The following IQSEC2 variants were observed in gnomAD, a reference collection of about 807,000 sequenced individuals.
IQSEC2 encodes IQ motif and Sec7 domain ArfGEF 2, also known as IQ motif and SEC7 domain-containing protein 2.
A neutral mutation model predicts 74.6 loss-of-function variants in IQSEC2; 6 were observed. The observed-to-expected ratio is 0.08, with a 90% CI of 0.04 to 0.16. The LOEUF is 0.16. IQSEC2 is among the 10% of genes least tolerant of loss of function. The pLI is 1.00. For synonymous variants in IQSEC2, 494 were observed against 544.5 expected (o/e 0.91, Z 1.29); for missense variants, 734 against 1,306.2 (o/e 0.56, Z 6.75).
At chrX:53,249,526 C>G (rs782737723) in intron 5 of IQSEC2, among the ~76,000 whole-genome samples, 1 of 112,010 alleles carries the variant, frequency 8.9e-6, no homozygotes, top group African/African-American at 3.2e-5. Context: ...TTTGCTTCTC[C>G]AAGCCTTGGT....
At chrX:53,281,648 T>G in intron 2 of IQSEC2, 1 of 830,350 alleles carries the variant, frequency 1.2e-6, no homozygotes, top group Non-Finnish European at 1.6e-6. Context: ...CCAGCTGGGC[T>G]GCGGGCCAGA....
chrX:53,316,097 C>G (rs976685880), intron 1 of IQSEC2, among the ~76,000 whole-genome samples: 2 of 112,093 alleles, frequency 1.8e-5, no homozygotes, highest in Non-Finnish European at 3.8e-5. Context: ...AGGCCTGCAA[C>G]CCTGTCTCCC....
intron 2 of IQSEC2, among the ~76,000 whole-genome samples, chrX:53,278,385 G>GTATT (rs1556870025): frequency 9.0e-6 from 1 of 111,148 alleles, no homozygotes; most frequent in African/African-American, 3.3e-5. Flanking sequence ...ATTTCTTAAT[G>GTATT]TATTTATTTA....
intron 10 of IQSEC2, chrX:53,239,503 C>T (rs1294792745): frequency 1.0e-5 from 4 of 392,811 alleles, no homozygotes; most frequent in Admixed American, 4.2e-5. Flanking sequence ...GTAATGACCA[C>T]GCACCACAGA....
downstream of IQSEC2, chrX:53,231,468 T>C: frequency 9.0e-6 from 1 of 110,631 alleles, no homozygotes; most frequent in Non-Finnish European, 1.9e-5. Context: ...CATGTCAAGA[T>C]AAGGGGTTTC....
At chrX:53,279,089 G>A (rs868948512) in intron 2 of IQSEC2, 1 of 112,308 alleles carries the variant, frequency 8.9e-6, no homozygotes, top group African/African-American at 3.3e-5. Flanking sequence ...GCTGAAGCAG[G>A]AGAATTGCTT....
chrX:53,248,401 C>G (rs781972300), intron 6 of IQSEC2, among the ~76,000 whole-genome samples, 165 bp from the exon 7 acceptor site: 1 of 111,824 alleles, frequency 8.9e-6, no homozygotes, highest in East Asian at 2.8e-4. Context: ...GAAATCAAAT[C>G]CATCTCAGAA....
chrX:53,290,739 G>A (rs1036832981), intron 2 of IQSEC2, among the ~76,000 whole-genome samples: 1 of 111,843 alleles, frequency 8.9e-6, no homozygotes, highest in East Asian at 2.8e-4. Context: ...CCTGTCTGGG[G>A]TGCTAGAACA....
In IQSEC2 at chrX:53,241,051, C is replaced by T. The variant is rs183636338; in HGVS notation, c.3015+733G>A. ...TCGGCCTCCCAAAGTGCTGGGATTA[C>T]AGGCATGAGCCACCGTGCCTGGCCC... On this transcript the variant is annotated intron_variant, in intron 10 of 14. Coordinates refer to ENST00000642864, the MANE Select transcript of IQSEC2 (RefSeq NM_001111125.3). Among the ~76,000 whole-genome samples, 450 of 111,924 alleles carry T rather than the reference C, an allele frequency of 4.0e-3. 3 individuals carry two copies. The highest frequency in any genetic ancestry group is 0.014 in the African/African-American group (439 of 30,867).
intron 1 of IQSEC2, among the ~76,000 whole-genome samples, chrX:53,317,817 G>T (rs1393813090): frequency 1.8e-5 from 2 of 112,431 alleles, no homozygotes; most frequent in African/African-American, 6.5e-5. Flanking sequence ...CCTAGCAGGG[G>T]AGTCGCTTGC....
chrX:53,279,605 G>C, intron 2 of IQSEC2: 1 of 1,204,690 alleles, frequency 8.3e-7, no homozygotes, highest in South Asian at 1.8e-5. Flanking sequence ...GCTTCATGGA[G>C]TCAAGGACCT....
At chrX:53,239,342 G>T in intron 10 of IQSEC2, 48 bp from the exon 11 acceptor site, 2 of 798,208 alleles carry the variant, frequency 2.5e-6, no homozygotes, top group Non-Finnish European at 1.9e-6. Flanking sequence ...TTGGGTGGGG[G>T]ATTTCCACGT....
intron 1 of IQSEC2, among the ~76,000 whole-genome samples, chrX:53,311,231 T>A (rs1452759457): frequency 9.2e-6 from 1 of 108,713 alleles, no homozygotes; most frequent in Non-Finnish European, 1.9e-5. Flanking sequence ...TGACTGGCCT[T>A]ATACAAGTCC....
intron 1 of IQSEC2, among the ~76,000 whole-genome samples, chrX:53,305,044 G>C (rs887247871): frequency 9.1e-6 from 1 of 109,470 alleles, no homozygotes; most frequent in African/African-American, 3.3e-5. Flanking sequence ...CCAGCCTCCC[G>C]AGTAGCTGGG....
In IQSEC2 at chrX:53,292,463, G is replaced by A. The variant is rs184118287; in HGVS notation, c.708-539C>T. ...AATTCAGCCCTTTGGAACCCGGTACGCAAATGCCAGGTATTATTAACACCA... is the reference window on the plus strand; with the variant it reads ...AATTCAGCCCTTTGGAACCCGGTACACAAATGCCAGGTATTATTAACACCA... On this transcript the variant is annotated intron_variant, in intron 1 of 14. Coordinates refer to ENST00000642864, the MANE Select transcript of IQSEC2 (RefSeq NM_001111125.3). Among the ~76,000 whole-genome samples, 190 of 111,838 alleles carry A rather than the reference G, an allele frequency of 1.7e-3. 2 individuals carry two copies. Among genetic ancestry groups the A allele is most frequent in the Middle Eastern group, 9.1e-3 (2 of 219 alleles).
chrX:53,239,724 G>T, intron 10 of IQSEC2: 1 of 187,037 alleles, frequency 5.3e-6, no homozygotes, highest in Non-Finnish European at 9.9e-6. Flanking sequence ...TCTGTCACCA[G>T]GCCTTACCAG....
chrX:53,298,952 G>C (rs187048087), intron 1 of IQSEC2, among the ~76,000 whole-genome samples: 9 of 111,560 alleles, frequency 8.1e-5, no homozygotes, highest in Admixed American at 7.7e-4. Context: ...TTTTCAATCA[G>C]TCTTCCAAGT....
chrX:53,285,703 T>C (rs1231853270), intron 2 of IQSEC2, among the ~76,000 whole-genome samples: 1 of 112,608 alleles, frequency 8.9e-6, no homozygotes, highest in African/African-American at 3.2e-5. Context: ...ATGGCTTTAA[T>C]AGCAATCATA....
chrX:53,242,485 A>G (rs1556861114), intron 9 of IQSEC2, among the ~76,000 whole-genome samples: 1 of 109,407 alleles, frequency 9.1e-6, no homozygotes, highest in Admixed American at 9.7e-5. Context: ...GATCTCTTCC[A>G]AGAAGCCTTC....
Sources: allele counts gnomAD v4.1 joint callset (sites outside exome capture counted in the v4.1 genomes callset), GRCh38; gene constraint gnomAD v4.1.1; transcripts MANE v1.5; gene names NCBI Gene and HGNC (gene_info 2026-07-23, HGNC 2026-07-21).